TBC1D19: variants seen among roughly 807,000 people sequenced by gnomAD.
TBC1D19 encodes TBC1 domain family member 19.
TBC1D19 carries 60 observed loss-of-function variants against 89.0 expected under a neutral mutation model. The observed-to-expected ratio is 0.67, with a 90% CI of 0.55 to 0.84. The LOEUF (loss-of-function observed/expected upper bound fraction) is 0.84. Among genes scored for constraint, TBC1D19 ranks in the 40% least tolerant of loss-of-function variants. TBC1D19 has a pLI of 0.00. For synonymous variants in TBC1D19, 189 were observed against 199.7 expected, an observed-to-expected ratio of 0.95 and a Z score of 0.45; for missense variants, 500 against 610.8, an observed-to-expected ratio of 0.82 and a Z score of 1.91.
intron 7 of TBC1D19, among the ~76,000 whole-genome samples, chr4:26,643,472 C>T (rs1156914584): frequency 6.6e-6 from 1 of 152,238 alleles, no homozygotes; most frequent in African/African-American, 2.4e-5. Context: ...CAAGAGAAAG[C>T]AGGAAAGATC....
intron 3 of TBC1D19, among the ~76,000 whole-genome samples, chr4:26,614,864 G>A (rs756261018): frequency 6.6e-4 from 100 of 152,066 alleles, no homozygotes; most frequent in Non-Finnish European, 9.6e-4. Flanking sequence ...TTTTAGTAGA[G>A]ATAGGGTTTC....
the TBC1D19 span, among the ~76,000 whole-genome samples, chr4:26,776,559 A>G: frequency 2.6e-5 from 4 of 152,184 alleles, no homozygotes; most frequent in Non-Finnish European, 5.9e-5. Context: ...TATATTGAAT[A>G]CCCACCATCT....
At chr4:26,765,617 A>G in the TBC1D19 span, among the ~76,000 whole-genome samples, 1 of 152,116 alleles carries the variant, frequency 6.6e-6, no homozygotes, top group Non-Finnish European at 1.5e-5. Flanking sequence ...CTCAGAGGTG[A>G]CTGAGCAATA....
rs1393461222 is a variant in TBC1D19 at position 26,755,821 on chromosome 4, G to T, written c.*874G>T. Among the ~76,000 whole-genome samples, 1 of 152,144 alleles carries T rather than the reference G, an allele frequency of 6.6e-6. No homozygotes were observed. The highest frequency in any genetic ancestry group is 2.4e-5 in the African/African-American group (1 of 41,438). The stretch of plus-strand genomic sequence containing the variant: ...GAGCAGCTGAGAGAGATTAAAAGTA[G>T]GTAGTAGGCATTCATTCTAAACTGC... On this transcript the variant is annotated 3_prime_UTR_variant, in exon 21 of 21. Coordinates refer to ENST00000264866, the MANE Select transcript of TBC1D19 (RefSeq NM_018317.4).
At chr4:26,763,711 C>T in the TBC1D19 span, among the ~76,000 whole-genome samples, 3 of 152,210 alleles carry the variant, frequency 2.0e-5, no homozygotes, top group Non-Finnish European at 4.4e-5. Context: ...TCTAAATTAA[C>T]TGAGACCTGT....
At chr4:26,748,557 T>A (rs760463237) in intron 19 of TBC1D19, 31 bp downstream of exon 19, 1 of 1,477,672 alleles carries the variant, frequency 6.8e-7, no homozygotes, top group Non-Finnish European at 9.4e-7. Flanking sequence ...GTAGAACACA[T>A]GCTGTTTCTA....
At chr4:26,587,305 C>T (rs544721897) in intron 1 of TBC1D19, among the ~76,000 whole-genome samples, 28 of 152,164 alleles carry the variant, frequency 1.8e-4, no homozygotes, top group Non-Finnish European at 2.8e-4. Flanking sequence ...TGGCCAGGCG[C>T]GATGGCTCAT....
intron 4 of TBC1D19, among the ~76,000 whole-genome samples, chr4:26,634,239 C>T (rs1033673052): frequency 1.3e-5 from 2 of 152,084 alleles, no homozygotes; most frequent in Non-Finnish European, 2.9e-5. Context: ...ACATATCAAG[C>T]AATTCAATGT....
Position 26,714,502 on chromosome 4 carries a change from C to T in TBC1D19, c.955-3431C>T, listed in dbSNP as rs577618328. On this transcript the variant is annotated intron_variant, in intron 13 of 20. Transcript: ENST00000264866. ...AGCATTTGATTCATTTTTGCTGTTT[C>T]TTCACTTGGGTTTCAAGACACCACA... is the stretch of plus-strand genomic sequence containing the variant. Among the ~76,000 whole-genome samples the T allele has an allele frequency of 1.6e-3, 244 of 152,134 alleles. 2 individuals carry two copies. Among genetic ancestry groups the T allele is most frequent in the Admixed American group, 4.4e-3 (67 of 15,264 alleles).
chr4:26,753,846 C>A lies in TBC1D19; in HGVS notation c.1462C>A (p.Arg488=). The A allele has an allele frequency of 6.2e-7, 1 of 1,613,894 alleles. No individual in the cohort carries two copies. The highest frequency in any genetic ancestry group is 1.1e-5 in the South Asian group (1 of 91,072). Residue 488 remains arginine (R), a synonymous_variant, in exon 20 of 21, where the codon CGA becomes AGA. Coordinates refer to ENST00000264866, the MANE Select transcript of TBC1D19 (RefSeq NM_018317.4). ...AVLAAAVFAF[R]AVNLMEVTSL... ...GCTGGCAGCTGCCGTGTTTGCTTTC[C>A]GAGCAGTGAACCTGATGGAGGTGAC... is the stretch of plus-strand genomic sequence containing the variant.
At chr4:26,590,813 T>G (rs1472635722) in intron 1 of TBC1D19, among the ~76,000 whole-genome samples, 1 of 130,338 alleles carries the variant, frequency 7.7e-6, no homozygotes, top group Non-Finnish European at 1.6e-5. Flanking sequence ...TTTTTTTTTT[T>G]TTTTTTTTTT....
At chr4:26,667,647 C>T (rs554679480) in intron 9 of TBC1D19, among the ~76,000 whole-genome samples, 3 of 151,994 alleles carry the variant, frequency 2.0e-5, no homozygotes, top group Non-Finnish European at 4.4e-5. Context: ...GATAAGGCTA[C>T]TATGATCATT....
chr4:26,807,451 A>G, the TBC1D19 span, among the ~76,000 whole-genome samples: 1 of 152,184 alleles, frequency 6.6e-6, no homozygotes, highest in Non-Finnish European at 1.5e-5. Flanking sequence ...TGCCCTCTCT[A>G]GGGAAATCTC....
chr4:26,603,980 A>G (rs1357322358), intron 1 of TBC1D19, among the ~76,000 whole-genome samples: 1 of 151,942 alleles, frequency 6.6e-6, no homozygotes, highest in African/African-American at 2.4e-5. Context: ...CCCCTCTTCA[A>G]CCTGTAGTAA....
intron 13 of TBC1D19, among the ~76,000 whole-genome samples, chr4:26,712,022 T>A (rs996377869): frequency 6.6e-6 from 1 of 152,060 alleles, no homozygotes; most frequent in Non-Finnish European, 1.5e-5. Flanking sequence ...TAGGGAGATA[T>A]ATTTAATCAT....
chr4:26,675,231 A>G (rs1038023761), intron 11 of TBC1D19, among the ~76,000 whole-genome samples: 3 of 152,094 alleles, frequency 2.0e-5, no homozygotes, highest in Admixed American at 1.3e-4. Flanking sequence ...AACAAATTCT[A>G]TCTCTTCGCA....
intron 1 of TBC1D19, among the ~76,000 whole-genome samples, chr4:26,587,077 G>A (rs761701525): frequency 2.0e-5 from 3 of 152,068 alleles, no homozygotes; most frequent in Non-Finnish European, 4.4e-5. Flanking sequence ...ACTTTGTTAA[G>A]TACTTTTTTA....
At chr4:26,834,696 ATTC>A in the TBC1D19 span, among the ~76,000 whole-genome samples, 2 of 152,056 alleles carry the variant, frequency 1.3e-5, no homozygotes, top group Non-Finnish European at 2.9e-5. Context: ...ACTCGTTTTC[ATTC>A]TTCTTCATAG....
chr4:26,737,428 TAA>T (rs1176651503), intron 16 of TBC1D19, among the ~76,000 whole-genome samples: 1 of 152,180 alleles, frequency 6.6e-6, no homozygotes, highest in East Asian at 1.9e-4. Context: ...ATTTTTCAAG[TAA>T]ATCGTTTTTG....
Sources: allele counts gnomAD v4.1 joint callset (sites outside exome capture counted in the v4.1 genomes callset), GRCh38; gene constraint gnomAD v4.1.1; transcripts MANE v1.5; gene names NCBI Gene and HGNC (gene_info 2026-07-23, HGNC 2026-07-21).